EDIL3: variants seen among roughly 807,000 people sequenced by gnomAD.
EDIL3 encodes the protein EGF-like repeat and discoidin I-like domain-containing protein 3.
EDIL3 carries 37 observed loss-of-function variants against 67.4 expected under a neutral mutation model. The ratio of observed to expected loss-of-function variants is 0.55; its 90% CI spans 0.42 to 0.72. The LOEUF (loss-of-function observed/expected upper bound fraction) is 0.72, where lower values mean the gene tolerates loss of function less well. Among genes scored for constraint, EDIL3 ranks in the 30% least tolerant of loss-of-function variants. EDIL3 has a pLI of 0.00. For synonymous variants in EDIL3, 195 were observed against 196.3 expected, an observed-to-expected ratio of 0.99 and a Z score of 0.05; for missense variants, 527 against 586.3, an observed-to-expected ratio of 0.90 and a Z score of 1.04.
intron 1 of EDIL3, among the ~76,000 whole-genome samples, chr5:84,303,479 T>G (rs1746199925): frequency 6.6e-6 from 1 of 152,180 alleles, no homozygotes; most frequent in African/African-American, 2.4e-5. Flanking sequence ...ATTTTCCAAA[T>G]TGTTAATCTG....
At chr5:84,183,976 C>T (rs1038361624) in intron 3 of EDIL3, among the ~76,000 whole-genome samples, 4 of 152,138 alleles carry the variant, frequency 2.6e-5, no homozygotes, top group East Asian at 1.9e-4. Context: ...TGTAGTGGCG[C>T]ATGGCTATAA....
rs190882476 is a variant in EDIL3, at chr5:84,057,756, C to G, written c.1137+2544G>C. Among the ~76,000 whole-genome samples, 13 of 150,312 alleles carry G rather than the reference C, an allele frequency of 8.6e-5. No homozygotes were observed. The East Asian group carries it at 2.6e-3, about 29-fold the overall frequency. On this transcript the variant is annotated intron_variant, in intron 9 of 10. Coordinates refer to ENST00000296591, the MANE Select transcript of EDIL3 (RefSeq NM_005711.5). Reference sequence around the variant, plus strand: ...ACTTATATGCTATGTTGGCTCAAACCAATAACTTGAATTATTTTTTGAATG... The same window carrying G: ...ACTTATATGCTATGTTGGCTCAAACGAATAACTTGAATTATTTTTTGAATG...
At chr5:84,231,746 T>C (rs1744584353) in intron 2 of EDIL3, among the ~76,000 whole-genome samples, 1 of 152,138 alleles carries the variant, frequency 6.6e-6, no homozygotes, top group Admixed American at 6.5e-5. Context: ...CTTTATCATG[T>C]CCAAAATATA....
intron 4 of EDIL3, among the ~76,000 whole-genome samples, chr5:84,154,703 T>TTC (rs1374391607): frequency 6.8e-6 from 1 of 147,592 alleles, no homozygotes; most frequent in East Asian, 2.0e-4. Context: ...CTTTTTTTTT[T>TTC]TTTTTTTTTT....
chr5:84,371,462 G>T (rs939599173), intron 1 of EDIL3, among the ~76,000 whole-genome samples: 10 of 147,462 alleles, frequency 6.8e-5, no homozygotes, highest in African/African-American at 2.0e-4. Context: ...GAGAGAGAGA[G>T]AGAGAGAGAG....
chr5:84,196,389 A>G (rs2112373270), intron 3 of EDIL3, among the ~76,000 whole-genome samples: 1 of 152,116 alleles, frequency 6.6e-6, no homozygotes, highest in African/African-American at 2.4e-5. Context: ...GAAAAGTTCT[A>G]CTTAAAATTG....
At chr5:84,123,894 C>T (rs893786938) in intron 5 of EDIL3, among the ~76,000 whole-genome samples, 3 of 151,892 alleles carry the variant, frequency 2.0e-5, no homozygotes, top group Admixed American at 2.0e-4. Flanking sequence ...AAGACCAATA[C>T]TATGCAGTTT....
At chr5:83,944,142 C>G (rs1744273010) in intron 10 of EDIL3, among the ~76,000 whole-genome samples, 1 of 152,066 alleles carries the variant, frequency 6.6e-6, no homozygotes, top group Non-Finnish European at 1.5e-5. Context: ...GAGAGAAGCA[C>G]AAGGCTATCT....
At chr5:84,079,423 G>C (rs554156712) in intron 6 of EDIL3, among the ~76,000 whole-genome samples, 1 of 152,130 alleles carries the variant, frequency 6.6e-6, no homozygotes, top group East Asian at 1.9e-4. Flanking sequence ...CAGTAACTGG[G>C]GTTAGTGTAA....
intron 4 of EDIL3, among the ~76,000 whole-genome samples, chr5:84,171,406 A>C (rs1748808923): frequency 6.6e-6 from 1 of 152,164 alleles, no homozygotes; most frequent in Non-Finnish European, 1.5e-5. Flanking sequence ...GTTGGTTTCC[A>C]GCCAAAGGAG....
chr5:83,992,641 G>C (rs140783765), intron 9 of EDIL3, among the ~76,000 whole-genome samples: 1 of 152,106 alleles, frequency 6.6e-6, no homozygotes, highest in Admixed American at 6.5e-5. Flanking sequence ...TTAAGTTACC[G>C]TATCAGTGAA....
intron 9 of EDIL3, among the ~76,000 whole-genome samples, chr5:83,969,587 A>T (rs1235747580): frequency 6.6e-6 from 1 of 151,714 alleles, no homozygotes; most frequent in Non-Finnish European, 1.5e-5. Flanking sequence ...ATGTGTATTT[A>T]TTTGCCCACT....
chr5:84,309,943 T>A (rs1746351314), intron 1 of EDIL3, among the ~76,000 whole-genome samples: 1 of 152,212 alleles, frequency 6.6e-6, no homozygotes, highest in African/African-American at 2.4e-5. Context: ...GTTGAACTAG[T>A]TTACAGTCCC....
At chr5:84,072,808 G>C (rs547817162) in intron 6 of EDIL3, among the ~76,000 whole-genome samples, 1 of 152,236 alleles carries the variant, frequency 6.6e-6, no homozygotes, top group East Asian at 1.9e-4. Flanking sequence ...GAATGAAGGA[G>C]GAAGGGAGGG....
At chr5:84,294,449 C>T (rs1413635521) in intron 1 of EDIL3, among the ~76,000 whole-genome samples, 2 of 146,934 alleles carry the variant, frequency 1.4e-5, no homozygotes, top group East Asian at 2.0e-4. Context: ...TGAAAAGTTT[C>T]AACTAGCCAG....
At chr5:84,210,195 T>C (rs1190707250) in intron 3 of EDIL3, among the ~76,000 whole-genome samples, 1 of 152,216 alleles carries the variant, frequency 6.6e-6, no homozygotes, top group Non-Finnish European at 1.5e-5. Context: ...TCTACTATAG[T>C]AAATATTTGT....
chr5:84,159,879 C>A (rs1001457274), intron 4 of EDIL3, among the ~76,000 whole-genome samples: 1 of 151,988 alleles, frequency 6.6e-6, no homozygotes, highest in African/African-American at 2.4e-5. Context: ...CTTTGGGATC[C>A]AATCTCTTGT....
chr5:84,291,671 T>A (rs1294186478), intron 1 of EDIL3, among the ~76,000 whole-genome samples: 4 of 108,316 alleles, frequency 3.7e-5, no homozygotes, highest in Non-Finnish European at 9.5e-5. Context: ...TATATATATA[T>A]CTATCTATAT....
chr5:84,310,657 T>C (rs1746368375), intron 1 of EDIL3, among the ~76,000 whole-genome samples: 1 of 152,202 alleles, frequency 6.6e-6, no homozygotes, highest in African/African-American at 2.4e-5. Flanking sequence ...TGCTGTGTCC[T>C]AAGGTCTTGC....
Sources: gnomAD v4.1 joint callset for allele counts (sites outside exome capture counted in the v4.1 genomes callset) on GRCh38, gnomAD v4.1.1 for gene constraint, MANE v1.5 for transcripts, NCBI Gene and HGNC (gene_info 2026-07-23, HGNC 2026-07-21) for gene names.